The following CNTN3 variants were observed in gnomAD, a reference collection of about 807,000 sequenced individuals.
The protein encoded by CNTN3 is contactin-3.
In CNTN3, 60 loss-of-function variants were observed where a neutral mutation model predicts 119.1. The ratio of observed to expected loss-of-function variants is 0.50; its 90% confidence interval spans 0.41 to 0.62. The LOEUF (loss-of-function observed/expected upper bound fraction) is 0.62, where lower values mean the gene tolerates loss of function less well. CNTN3 is among the 20% of genes least tolerant of loss of function. CNTN3 has a pLI of 0.00. For missense variants in CNTN3, 1,101 were observed against 1,242.4 expected (o/e 0.89, Z 1.71); for synonymous variants, 450 against 438.7 (o/e 1.03, Z -0.32).
chr3:74,367,958 A>T (rs922736870), intron 8 of CNTN3, among the ~76,000 whole-genome samples: 1 of 152,064 alleles, frequency 6.6e-6, no homozygotes, highest in Admixed American at 6.6e-5. Flanking sequence ...GGGGCCTTAG[A>T]GCTGGACAGC....
At chr3:74,422,866 G>T (rs1215226328) in intron 5 of CNTN3, among the ~76,000 whole-genome samples, 1 of 151,772 alleles carries the variant, frequency 6.6e-6, no homozygotes, top group Admixed American at 6.6e-5. Context: ...ACTTCTTTTG[G>T]AAACTGCTTC....
intron 5 of CNTN3, among the ~76,000 whole-genome samples, chr3:74,391,641 A>G (rs1406864493): frequency 7.4e-6 from 1 of 135,022 alleles, no homozygotes; most frequent in Non-Finnish European, 1.5e-5. Flanking sequence ...TTCTTGGCTC[A>G]CTATAACCTC....
Position 74,365,596 on chromosome 3 carries a change from C to T in CNTN3, c.1053G>A (p.Trp351Ter). 6.2e-7 allele frequency: 1 copy of T among 1,613,420 alleles called. No individual in the cohort carries two copies. The highest frequency in any genetic ancestry group is 8.5e-7 in the Non-Finnish European group (1 of 1,179,510). ...GCACCAGGGCTGCTCCATTTTTCAG[C>T]CATCGGTAGGAAGGCTTGGGCTTGC... ...ASGKPKPSYRWLKNGAALVLE... is the reference protein window; with the variant it reads ...ASGKPKPSYR The change falls in exon 9 of 23, where the codon TGG (tryptophan) becomes TGA (stop). Residue 351 changes from tryptophan to a stop codon, truncating the protein, a stop_gained. Transcript: ENST00000263665. LOFTEE classifies it high-confidence loss of function.
At chr3:74,435,126 T>C (rs910293388) in intron 4 of CNTN3, among the ~76,000 whole-genome samples, 3 of 152,206 alleles carry the variant, frequency 2.0e-5, no homozygotes, top group Middle Eastern at 6.3e-3. Flanking sequence ...TCTCTTCCCA[T>C]TTATCTCTGA....
intron 5 of CNTN3, among the ~76,000 whole-genome samples, chr3:74,409,884 G>A (rs1391413041): frequency 1.3e-5 from 2 of 151,934 alleles, no homozygotes; most frequent in Non-Finnish European, 2.9e-5. Context: ...GTGATGACTT[G>A]GTTTTAGCAA....
intron 1 of CNTN3, among the ~76,000 whole-genome samples, chr3:74,599,808 A>G (rs1704878825): frequency 6.6e-6 from 1 of 152,088 alleles, no homozygotes; most frequent in Non-Finnish European, 1.5e-5. Flanking sequence ...CCTCTCCCAG[A>G]GGTGAGTAAT....
At chr3:74,405,914 T>C (rs1175906555) in intron 5 of CNTN3, among the ~76,000 whole-genome samples, 4 of 152,078 alleles carry the variant, frequency 2.6e-5, no homozygotes, top group African/African-American at 9.7e-5. Context: ...ACAAGAGCCA[T>C]TTTTGAATTA....
chr3:74,447,080 A>T (rs1465707563), intron 4 of CNTN3, among the ~76,000 whole-genome samples: 2 of 152,176 alleles, frequency 1.3e-5, no homozygotes, highest in Non-Finnish European at 2.9e-5. Context: ...GTGGTAAATG[A>T]GGAGCGCCTG....
intron 19 of CNTN3, among the ~76,000 whole-genome samples, chr3:74,292,101 A>AAGTC (rs1180078303): frequency 1.6e-4 from 8 of 50,934 alleles, no homozygotes; most frequent in Admixed American, 4.2e-4. Context: ...CTAGGAAGGG[A>AAGTC]AGTGTCTTGC....
In CNTN3 at chr3:74,503,700, A is replaced by G. The variant is rs540294415; in HGVS notation, c.56-3915T>C. ...CCAGTAAAAAGCACCCTGTCTGAAA[A>G]CAGAAGGGGGCCTTTTGCCTAACTA... On this transcript the variant is annotated intron_variant, in intron 2 of 22. Coordinates refer to ENST00000263665, the MANE Select transcript of CNTN3 (RefSeq NM_020872.3). Among the ~76,000 whole-genome samples, 19 of 152,252 alleles carry G rather than the reference A, an allele frequency of 1.2e-4. No homozygotes were observed. In the Middle Eastern group the frequency reaches 0.01, roughly 82 times the overall value.
intron 1 of CNTN3, among the ~76,000 whole-genome samples, chr3:74,558,797 C>T (rs1012107720): frequency 4.0e-5 from 6 of 151,840 alleles, no homozygotes; most frequent in Admixed American, 6.6e-5. Context: ...ACCTTTCCAA[C>T]GTGGTAAAAC....
At chr3:74,490,778 T>C (rs1181710322) in intron 3 of CNTN3, among the ~76,000 whole-genome samples, 1 of 152,230 alleles carries the variant, frequency 6.6e-6, no homozygotes, top group Non-Finnish European at 1.5e-5. Flanking sequence ...CTATTATTTT[T>C]AAAATATGTT....
intron 13 of CNTN3, among the ~76,000 whole-genome samples, 193 bp from the exon 14 acceptor site, chr3:74,303,000 C>T (rs1393747951): frequency 6.6e-6 from 1 of 152,188 alleles, no homozygotes; most frequent in African/African-American, 2.4e-5. Flanking sequence ...TACATGACTG[C>T]AGTCAAAGAT....
At chr3:74,521,720 A>G (rs1703546444) in intron 1 of CNTN3, among the ~76,000 whole-genome samples, 4 of 151,878 alleles carry the variant, frequency 2.6e-5, no homozygotes, top group Non-Finnish European at 5.9e-5. Context: ...CAGATTTTAA[A>G]ATGCTAATGG....
chr3:74,447,485 C>A (rs1025921380), intron 4 of CNTN3, among the ~76,000 whole-genome samples: 1 of 152,142 alleles, frequency 6.6e-6, no homozygotes, highest in Non-Finnish European at 1.5e-5. Context: ...AGACATCTAG[C>A]CCAATATGCA....
At chr3:74,442,172 CACACAG>C (rs1056237846) in intron 4 of CNTN3, among the ~76,000 whole-genome samples, 35 of 113,028 alleles carry the variant, frequency 3.1e-4, no homozygotes, top group East Asian at 9.9e-4. Flanking sequence ...CACACACACA[CACACAG>C]AGAGAGAGAG....
At chr3:74,319,569 G>A (rs6762081) in intron 13 of CNTN3, among the ~76,000 whole-genome samples, 4,776 of 152,090 alleles carry the variant, frequency 0.031, 247 homozygotes, top group African/African-American at 0.11. Flanking sequence ...AACCCTAGAA[G>A]AGAACCTAGG....
intron 5 of CNTN3, among the ~76,000 whole-genome samples, chr3:74,417,974 T>C (rs372494306): frequency 1.8e-4 from 28 of 152,314 alleles, no homozygotes; most frequent in African/African-American, 6.0e-4. Flanking sequence ...AAATAAGCAG[T>C]AATATTCTAT....
At chr3:74,364,711 G>C in intron 9 of CNTN3, 115 bp from the exon 10 acceptor site, 1 of 817,040 alleles carries the variant, frequency 1.2e-6, no homozygotes, top group Non-Finnish European at 1.9e-6. Context: ...GAGAGTATTA[G>C]ACAGGATGGC....
Sources: gnomAD v4.1 joint callset for allele counts (sites outside exome capture counted in the v4.1 genomes callset) on GRCh38, gnomAD v4.1.1 for gene constraint, MANE v1.5 for transcripts, NCBI Gene and HGNC (gene_info 2026-07-23, HGNC 2026-07-21) for gene names.